The following AGT variants were observed in gnomAD, a reference collection of about 807,000 sequenced individuals.
The protein encoded by AGT is angiotensinogen.
A neutral mutation model predicts 28.1 loss-of-function variants in AGT; 26 were observed. The observed-to-expected ratio is 0.92, with a 90% confidence interval of 0.68 to 1.28. AGT has a LOEUF of 1.28. AGT is among the 50% of genes most tolerant of loss of function. AGT has a pLI of 0.00. For synonymous variants in AGT, 259 were observed against 259.6 expected (o/e 1.00, Z 0.02); for missense variants, 596 against 592.3 (o/e 1.01, Z -0.06).
At position 230,710,452 on chromosome 1, in the gene AGT, G is replaced by T. The variant is rs766201490; in HGVS notation, c.372C>A (p.Val124=). Residue 124 remains valine (V), a synonymous_variant, in exon 2 of 5, where the codon GTC becomes GTA. Coordinates refer to ENST00000366667, the MANE Select transcript of AGT (RefSeq NM_001384479.1). ...ELWGVVHGAT[V]LSPTAVFGTL... The stretch of plus-strand genomic sequence containing the variant: ...TGCCAAAGACAGCCGTTGGGGAGAG[G>T]ACGGTGGCCCCATGGACCACGCCCC... 2 of 1,614,226 alleles carry T rather than the reference G, an allele frequency of 1.2e-6. No homozygotes were observed. Among genetic ancestry groups the T allele is most frequent in the Non-Finnish European group, 1.7e-6 (2 of 1,180,038 alleles).
chr1:230,725,557 C>T (rs1478805988), intron 1 of AGT, among the ~76,000 whole-genome samples: 4 of 152,148 alleles, frequency 2.6e-5, no homozygotes, highest in Non-Finnish European at 5.9e-5. Flanking sequence ...AAACAGCTAT[C>T]CAAATGGAAA....
chr1:230,716,405 G>T (rs999049334), upstream of AGT, among the ~76,000 whole-genome samples: 5 of 152,156 alleles, frequency 3.3e-5, no homozygotes, highest in African/African-American at 1.2e-4. Flanking sequence ...GTGGCTAAAT[G>T]AAGACTGTTG....
chr1:230,708,669 A>G (rs1663466393), intron 2 of AGT, among the ~76,000 whole-genome samples: 1 of 152,074 alleles, frequency 6.6e-6, no homozygotes, highest in African/African-American at 2.4e-5. Flanking sequence ...ATCTTGACAG[A>G]GCCTCCTCAG....
rs5043 is a variant in AGT at position 230,702,974 on chromosome 1, A to G, written c.*167T>C. 490 of 737,220 alleles carry G rather than the reference A, an allele frequency of 6.6e-4. No individual in the cohort carries two copies. Among genetic ancestry groups the G allele is most frequent in the African/African-American group, 6.3e-3 (357 of 56,676 alleles). The allele number at this position is 737,220 out of a possible 1,614,324, so 45.7% of individuals were successfully genotyped here. A position where few individuals can be genotyped will look rare whatever the true frequency, so the allele number is the denominator to read the frequency against. On this transcript the variant is annotated 3_prime_UTR_variant, in exon 5 of 5. Transcript: ENST00000366667. Reference sequence around the variant, plus strand: ...CACTCCATGCAGCACACTTAGACCAAGGAGAAACGGCTGCTTTCCAGCTCA... The same window carrying G: ...CACTCCATGCAGCACACTTAGACCAGGGAGAAACGGCTGCTTTCCAGCTCA...
At position 230,710,811 on chromosome 1, in the gene AGT, C is replaced by T. The variant is rs377164467; in HGVS notation, c.13G>A (p.Gly5Ser). MAPA[G>S]VSLRATILCL... ...AGGATGGTGGCCCTCAGGCTCACACCGGCAGGAGCCATCTCAGACTGGGGT... is the reference window on the plus strand; with the variant it reads ...AGGATGGTGGCCCTCAGGCTCACACTGGCAGGAGCCATCTCAGACTGGGGT... The change falls in exon 2 of 5, where the codon GGT becomes AGT. Residue 5 changes from glycine (G) to serine (S), a missense_variant. Transcript: ENST00000366667. 3.4e-5 allele frequency: 55 copies of T among 1,613,890 alleles called. No individual in the cohort carries two copies. Among genetic ancestry groups the T allele is most frequent in the Middle Eastern group, 1.7e-4 (1 of 6,048 alleles).
In AGT at chr1:230,702,889, C is replaced by T; in HGVS notation, c.*252G>A. On this transcript the variant is annotated 3_prime_UTR_variant, in exon 5 of 5. Coordinates refer to ENST00000366667, the MANE Select transcript of AGT (RefSeq NM_001384479.1). ...TGGTTCTTGCCTCCCCACCCCCATTCTCTAAAATAAACCCAGCAAACTGGG... is the reference window on the plus strand; with the variant it reads ...TGGTTCTTGCCTCCCCACCCCCATTTTCTAAAATAAACCCAGCAAACTGGG... The T allele has an allele frequency of 1.8e-6, 1 of 541,840 alleles. No individual in the cohort carries two copies. Among genetic ancestry groups the T allele is most frequent in the Non-Finnish European group, 3.3e-6 (1 of 302,618 alleles). The allele number at this position is 541,840 out of a possible 1,614,324, so 33.6% of individuals were successfully genotyped here. A position where few individuals can be genotyped will look rare whatever the true frequency, so the allele number is the denominator to read the frequency against.
At chr1:230,736,783 C>T (rs1294429541) in intron 1 of AGT, among the ~76,000 whole-genome samples, 1 of 152,166 alleles carries the variant, frequency 6.6e-6, no homozygotes, top group Non-Finnish European at 1.5e-5. Context: ...CAGTTTCCTG[C>T]TAGGCTGGGC....
In AGT at chr1:230,744,898, G is replaced by A. The variant is rs1451707665; in HGVS notation, c.-31+617C>T. ...GGGGCATTTGAAGGGGATGCTCCCA[G>A]AGATCTGGGCTGGTAATCATTTCCC... On this transcript the variant is annotated intron_variant, in intron 1 of 4. Transcript: ENST00000681269. Among the ~76,000 whole-genome samples the A allele has an allele frequency of 3.3e-5, 5 of 152,340 alleles. No individual in the cohort carries two copies. The East Asian group carries it at 9.6e-4, about 29-fold the overall frequency.
chr1:230,719,319 G>C (rs150507766), upstream of AGT, among the ~76,000 whole-genome samples: 5 of 152,162 alleles, frequency 3.3e-5, no homozygotes, highest in East Asian at 9.6e-4. Flanking sequence ...TGAGCTGGAG[G>C]AAAACGGTCA....
intron 1 of AGT, among the ~76,000 whole-genome samples, chr1:230,728,137 G>A (rs568279721): frequency 3.9e-5 from 6 of 152,290 alleles, no homozygotes; most frequent in African/African-American, 7.2e-5. Flanking sequence ...GGTAGGGGTC[G>A]TGGGTCCAGG....
At chr1:230,722,354 C>T (rs1279950399) in intron 1 of AGT, among the ~76,000 whole-genome samples, 2 of 152,154 alleles carry the variant, frequency 1.3e-5, no homozygotes, top group African/African-American at 4.8e-5. Context: ...TCTGCTAGGG[C>T]AATGTGGAAG....
chr1:230,729,027 G>C (rs182565347), intron 1 of AGT, among the ~76,000 whole-genome samples: 9 of 152,332 alleles, frequency 5.9e-5, no homozygotes, highest in African/African-American at 1.9e-4. Flanking sequence ...ACTGAGCAAA[G>C]ACAGTCAGGT....
At chr1:230,737,095 C>T (rs1334319239) in intron 1 of AGT, among the ~76,000 whole-genome samples, 3 of 152,116 alleles carry the variant, frequency 2.0e-5, no homozygotes, top group African/African-American at 7.2e-5. Flanking sequence ...CTCCTGCTCC[C>T]CAATCTCCCC....
chr1:230,723,867 G>A (rs780757161), intron 1 of AGT, among the ~76,000 whole-genome samples: 7 of 152,194 alleles, frequency 4.6e-5, no homozygotes, highest in Non-Finnish European at 7.3e-5. Flanking sequence ...TTGGTACACA[G>A]AGCTTTGTAT....
intron 1 of AGT, among the ~76,000 whole-genome samples, chr1:230,735,229 G>A (rs1006757252): frequency 2.0e-5 from 3 of 152,072 alleles, no homozygotes; most frequent in Non-Finnish European, 4.4e-5. Context: ...ACCTCCCAGA[G>A]CATGGAAATC....
In AGT at chr1:230,710,748, G is replaced by A. The variant is rs761670478; in HGVS notation, c.76C>T (p.Arg26Trp). ...LAWAGLAAGD[R>W]VYIHPFHLVI... The stretch of plus-strand genomic sequence containing the variant: ...AGGTGGAAGGGGTGTATGTACACCC[G>A]GTCACCTGCAGCCAGGCCAGCCCAG... The change falls in exon 2 of 5, where the codon CGG becomes TGG. Residue 26 changes from arginine to tryptophan, a missense_variant. Coordinates refer to ENST00000366667, the MANE Select transcript of AGT (RefSeq NM_001384479.1). 1.9e-5 allele frequency: 30 copies of A among 1,614,000 alleles called. No homozygotes were observed. The highest frequency in any genetic ancestry group is 1.6e-4 in the Middle Eastern group (1 of 6,082).
In AGT at chr1:230,737,712, C is replaced by A. The variant is rs532339014; in HGVS notation, c.-31+7803G>T. Reference sequence around the variant, plus strand: ...AAAATGAGGCACAGAGCTTATTTATCTTTTTAAGATAGCTTTGAGATGTAA... The same window carrying A: ...AAAATGAGGCACAGAGCTTATTTATATTTTTAAGATAGCTTTGAGATGTAA... On this transcript the variant is annotated intron_variant, in intron 1 of 4. Transcript: ENST00000681269. Among the ~76,000 whole-genome samples, 14 of 152,246 alleles carry A rather than the reference C, an allele frequency of 9.2e-5. No homozygotes were observed. The South Asian group carries it at 2.7e-3, about 29-fold the overall frequency.
chr1:230,720,378 G>A (rs1663818978), intron 1 of AGT, among the ~76,000 whole-genome samples: 1 of 152,142 alleles, frequency 6.6e-6, no homozygotes, highest in Non-Finnish European at 1.5e-5. Context: ...ATAATCTGTT[G>A]GAGGCTGACT....
intron 1 of AGT, among the ~76,000 whole-genome samples, chr1:230,740,822 G>T (rs755450600): frequency 6.6e-6 from 1 of 152,140 alleles, no homozygotes; most frequent in Non-Finnish European, 1.5e-5. Context: ...GGTGGCACAC[G>T]CCTGTAGTCC....
Sources: allele counts gnomAD v4.1 joint callset (sites outside exome capture counted in the v4.1 genomes callset), GRCh38; gene constraint gnomAD v4.1.1; transcripts MANE v1.5; gene names NCBI Gene and HGNC (gene_info 2026-07-23, HGNC 2026-07-21).